The following PLEKHG7 variants were observed in gnomAD, a reference collection of about 807,000 sequenced individuals.
PLEKHG7 encodes pleckstrin homology domain-containing family G member 7.
A neutral mutation model predicts 85.2 loss-of-function variants in PLEKHG7; 77 were observed. The ratio of observed to expected loss-of-function variants is 0.90; its 90% CI spans 0.75 to 1.09. PLEKHG7 has a LOEUF of 1.09. Among genes scored for constraint, PLEKHG7 ranks in the 50% least tolerant of loss-of-function variants. PLEKHG7 has a pLI of 0.00. For missense variants in PLEKHG7, 777 were observed against 804.3 expected (o/e 0.97, Z 0.41); for synonymous variants, 301 against 302.4 (o/e 1.00, Z 0.05).
At chr12:92,727,770 T>A (rs1565789376) in intron 3 of PLEKHG7, among the ~76,000 whole-genome samples, 1 of 151,938 alleles carries the variant, frequency 6.6e-6, no homozygotes, top group Non-Finnish European at 1.5e-5. Context: ...GTATTTTTTT[T>A]AGTGGAGACA....
At chr12:92,741,092 T>C (rs1872342880) in intron 8 of PLEKHG7, 144 bp downstream of exon 8, 1 of 562,084 alleles carries the variant, frequency 1.8e-6, no homozygotes. Context: ...AAGAAAGAAG[T>C]TGAAATATCC....
At chr12:92,754,839 T>G (rs930116800) in intron 11 of PLEKHG7, among the ~76,000 whole-genome samples, 2 of 152,158 alleles carry the variant, frequency 1.3e-5, no homozygotes, top group Non-Finnish European at 2.9e-5. Context: ...ACCAAGATTT[T>G]CCTCGTGGGC....
intron 10 of PLEKHG7, among the ~76,000 whole-genome samples, chr12:92,747,380 G>T (rs980860796): frequency 1.1e-4 from 16 of 144,566 alleles, no homozygotes; most frequent in Admixed American, 5.0e-4. Context: ...AGTTAAAATG[G>T]CTGCTATTTA....
chr12:92,713,859 C>G (rs896218413), intron 3 of PLEKHG7, among the ~76,000 whole-genome samples: 1 of 152,050 alleles, frequency 6.6e-6, no homozygotes, highest in Admixed American at 6.5e-5. Context: ...CTCTTGGACC[C>G]TTTTTTAACT....
At chr12:92,761,675 A>AAAG (rs1873035177) in intron 13 of PLEKHG7, 77 bp from the exon 14 acceptor site, 5 of 1,287,706 alleles carry the variant, frequency 3.9e-6, no homozygotes, top group African/African-American at 3.2e-5. Flanking sequence ...AGAAAGAAAG[A>AAAG]AAGAAAGAAA....
In PLEKHG7 at chr12:92,706,392, T is replaced by C. The variant is rs1871228213; in HGVS notation, c.-161-79T>C. On this transcript the variant is annotated intron_variant, in intron 1 of 16. Transcript: ENST00000344636. ...CCTATGAAGAATTAGAAGTTTTCCT[T>C]TGAAATTTTAGACCTTTTTTCTCAC... 3 of 459,774 alleles carry C rather than the reference T, an allele frequency of 6.5e-6. No homozygotes were observed. The South Asian group carries it at 1.5e-4, about 22-fold the overall frequency. 28.5% of individuals were successfully genotyped at this position (459,774 alleles called of 1,614,324 possible). A position where few individuals can be genotyped will look rare whatever the true frequency, so the allele number is the denominator to read the frequency against.
Position 92,737,506 on chromosome 12 carries a change from ATTAG to A in PLEKHG7, c.927_930del (p.Leu309PhefsTer4). 6.2e-7 allele frequency: 1 copy of A among 1,605,858 alleles called. No individual in the cohort carries two copies. Among genetic ancestry groups the A allele is most frequent in the Non-Finnish European group, 8.5e-7 (1 of 1,178,164 alleles). On this transcript the variant is annotated frameshift_variant, in exon 7 of 17. Transcript: ENST00000344636. LOFTEE classifies it high-confidence loss of function. ...AATGCACCTATTTTTTGGACCATTT[ATTAG>A]TTCTTAAGATGGTAATGCCAGGCTT... is the stretch of plus-strand genomic sequence containing the variant.
At chr12:92,719,043 T>C (rs79355396) in intron 3 of PLEKHG7, among the ~76,000 whole-genome samples, 10,295 of 152,270 alleles carry the variant, frequency 0.068, 427 homozygotes, top group African/African-American at 0.098. Flanking sequence ...TAGAAGCTCA[T>C]CATCCTATCT....
chr12:92,751,687 T>G (rs1872694223), intron 10 of PLEKHG7, among the ~76,000 whole-genome samples: 1 of 151,764 alleles, frequency 6.6e-6, no homozygotes, highest in African/African-American at 2.4e-5. Flanking sequence ...AAGATTGAAT[T>G]TGGCAGAATC....
intron 15 of PLEKHG7, among the ~76,000 whole-genome samples, chr12:92,765,863 T>C (rs1045392911): frequency 5.3e-5 from 8 of 152,160 alleles, no homozygotes; most frequent in Non-Finnish European, 8.8e-5. Flanking sequence ...ATAACCTCTC[T>C]CTCCAAGAGC....
At chr12:92,730,205 T>C (rs1428251925) in intron 4 of PLEKHG7, among the ~76,000 whole-genome samples, 3 of 152,208 alleles carry the variant, frequency 2.0e-5, no homozygotes, top group Admixed American at 2.0e-4. Context: ...CTGTCTTATA[T>C]GATACAGTAA....
chr12:92,746,303 G>C (rs1474964788), intron 10 of PLEKHG7, among the ~76,000 whole-genome samples: 1 of 152,192 alleles, frequency 6.6e-6, no homozygotes, highest in African/African-American at 2.4e-5. Flanking sequence ...CTGCAGCTGC[G>C]AGAAGCCCCT....
chr12:92,714,235 T>C (rs1056196152), intron 3 of PLEKHG7, among the ~76,000 whole-genome samples: 2 of 152,196 alleles, frequency 1.3e-5, no homozygotes, highest in African/African-American at 4.8e-5. Context: ...GTGCAGGGTT[T>C]ATCTCCCCAG....
intron 3 of PLEKHG7, among the ~76,000 whole-genome samples, chr12:92,720,581 C>A (rs1871610866): frequency 6.6e-6 from 1 of 152,180 alleles, no homozygotes; most frequent in Admixed American, 6.5e-5. Flanking sequence ...CCACCTTGGT[C>A]TCCCGAAGTA....
At chr12:92,734,798 T>C (rs1313307479) in intron 5 of PLEKHG7, among the ~76,000 whole-genome samples, 1 of 152,234 alleles carries the variant, frequency 6.6e-6, no homozygotes, top group Non-Finnish European at 1.5e-5. Context: ...CACCAATGAC[T>C]ACTGTACATC....
At chr12:92,740,705 T>G (rs752031522) in intron 7 of PLEKHG7, 148 bp from the exon 8 acceptor site, 5 of 590,932 alleles carry the variant, frequency 8.5e-6, no homozygotes, top group Non-Finnish European at 1.2e-5. Flanking sequence ...CCATTTGTCT[T>G]GAGTATAACA....
chr12:92,756,303 GAAACACATTTTTAAA>G lies in PLEKHG7; in HGVS notation c.1549_1563del (p.Lys517_Lys521del). 1 of 1,606,122 alleles carries G rather than the reference GAAACACATTTTTAAA, an allele frequency of 6.2e-7. No individual in the cohort carries two copies. Among genetic ancestry groups the G allele is most frequent in the Non-Finnish European group, 8.5e-7 (1 of 1,173,056 alleles). On this transcript the variant is annotated inframe_deletion, in exon 13 of 17. Coordinates refer to ENST00000344636, the MANE Select transcript of PLEKHG7 (RefSeq NM_001377329.1). ...TTTCTCGCTTGTTTTACAAGTGTTTGAAACACATTTTTAAAGAACACATGGCAGAAAACATCTTGT... is the reference window on the plus strand; with the variant it reads ...TTTCTCGCTTGTTTTACAAGTGTTTGGAACACATGGCAGAAAACATCTTGT...
intron 5 of PLEKHG7, 148 bp from the exon 6 acceptor site, chr12:92,736,334 G>T: frequency 2.3e-6 from 1 of 439,592 alleles, no homozygotes; most frequent in East Asian, 3.6e-5. Context: ...GCTCAGAAAT[G>T]GCTTTGGAAC....
At chr12:92,761,634 GAAAGAAAGAAAGAAAGA>G (rs1182074214) in intron 13 of PLEKHG7, 101 bp from the exon 14 acceptor site, 7 of 278,134 alleles carry the variant, frequency 2.5e-5, no homozygotes, top group African/African-American at 1.8e-4. Flanking sequence ...AAGAAAGAAA[GAAAGAAAGAAAGAAAGA>G]AAGAAAGAAA....
Sources: gnomAD v4.1 joint callset for allele counts (sites outside exome capture counted in the v4.1 genomes callset) on GRCh38, gnomAD v4.1.1 for gene constraint, MANE v1.5 for transcripts, NCBI Gene and HGNC (gene_info 2026-07-23, HGNC 2026-07-21) for gene names.